The following OR56A3 variants were observed in gnomAD, a reference collection of about 807,000 sequenced individuals.
The protein encoded by OR56A3 is olfactory receptor family 56 subfamily A member 3, also known as olfactory receptor 56A3.
Under a neutral mutation model 17.5 loss-of-function variants are expected in OR56A3, and 23 were observed. The ratio of observed to expected loss-of-function variants is 1.32; its 90% confidence interval spans 0.95 to 1.87. The LOEUF (loss-of-function observed/expected upper bound fraction) is 1.87. Ranked by LOEUF, OR56A3 falls within the 40% of genes most tolerant of loss-of-function variation. The probability of loss-of-function intolerance (pLI) is 0.00; values close to 1 mark genes in which losing one functional copy is unlikely to be tolerated. For missense variants in OR56A3, 366 were observed against 380.1 expected, an observed-to-expected ratio of 0.96 and a Z score of 0.31; for synonymous variants, 175 against 150.6, an observed-to-expected ratio of 1.16 and a Z score of -1.19.
chr11:5,951,787 T>G (rs1226426146), downstream of OR56A3, among the ~76,000 whole-genome samples: 6 of 152,184 alleles, frequency 3.9e-5, no homozygotes, highest in African/African-American at 1.4e-4. Context: ...ATTATGGTGC[T>G]GGGGTTGTAG....
At chr11:6,015,793 A>G in the OR56A3 span, among the ~76,000 whole-genome samples, 1 of 152,226 alleles carries the variant, frequency 6.6e-6, no homozygotes, top group Non-Finnish European at 1.5e-5. Flanking sequence ...GTATGATGGA[A>G]GTAACTTGTT....
chr11:5,961,901 C>T, the OR56A3 span, among the ~76,000 whole-genome samples: 8 of 152,074 alleles, frequency 5.3e-5, no homozygotes, highest in South Asian at 1.7e-3. Flanking sequence ...TTTCTCTTGC[C>T]TAATTGCTCA....
At chr11:5,998,452 A>G in the OR56A3 span, among the ~76,000 whole-genome samples, 2 of 152,212 alleles carry the variant, frequency 1.3e-5, no homozygotes, top group African/African-American at 4.8e-5. Context: ...AAGCAAAAAA[A>G]GGGGAAATTA....
chr11:5,980,728 T>C, the OR56A3 span, among the ~76,000 whole-genome samples: 1 of 152,126 alleles, frequency 6.6e-6, no homozygotes, highest in Non-Finnish European at 1.5e-5. Context: ...GTGTTTTTAG[T>C]TGGCTGTTAT....
At chr11:6,011,516 C>T in the OR56A3 span, among the ~76,000 whole-genome samples, 10 of 152,044 alleles carry the variant, frequency 6.6e-5, no homozygotes, top group Non-Finnish European at 1.3e-4. Flanking sequence ...CATGTCCTGA[C>T]ATTATCCAGA....
At chr11:5,993,149 C>A in the OR56A3 span, among the ~76,000 whole-genome samples, 1 of 152,044 alleles carries the variant, frequency 6.6e-6, no homozygotes, top group African/African-American at 2.4e-5. Flanking sequence ...TTTCAAAGAC[C>A]TAAAAGGATT....
At chr11:5,969,453 A>G in the OR56A3 span, among the ~76,000 whole-genome samples, 1 of 152,230 alleles carries the variant, frequency 6.6e-6, no homozygotes, top group African/African-American at 2.4e-5. Flanking sequence ...ACTCATCAGC[A>G]TCTACATCCT....
chr11:5,985,933 T>C, the OR56A3 span: 1 of 1,593,526 alleles, frequency 6.3e-7, no homozygotes, highest in Non-Finnish European at 8.6e-7. Context: ...AATGAGAATA[T>C]GTTCAGATCA....
chr11:5,958,620 T>C, the OR56A3 span, among the ~76,000 whole-genome samples: 4 of 152,182 alleles, frequency 2.6e-5, no homozygotes, highest in Non-Finnish European at 5.9e-5. Context: ...ATAGTTATTT[T>C]TATGTTGACT....
At position 5,948,288 on chromosome 11, in the gene OR56A3, G is replaced by T. The variant is rs997865532; in HGVS notation, c.942G>T (p.Gly314=). ...KQGMQRLLKK[G]C ...GAATGCAGAGGTTGTTGAAGAAAGG[G>T]TGCTAACAAGGACCACTGGATCTCT... Residue 314 remains glycine (G), a synonymous_variant, in exon 3 of 3, where the codon GGG becomes GGT. Transcript: ENST00000641160. 17 of 1,608,602 alleles carry T rather than the reference G, an allele frequency of 1.1e-5. No individual in the cohort carries two copies. Among genetic ancestry groups the T allele is most frequent in the African/African-American group, 2.7e-5 (2 of 74,806 alleles).
At position 5,947,722 on chromosome 11, in the gene OR56A3, C is replaced by A; in HGVS notation, c.376C>A (p.Arg126Ser). 1.2e-6 allele frequency: 2 copies of A among 1,614,190 alleles called. No individual in the cohort carries two copies. The highest frequency in any genetic ancestry group is 1.7e-6 in the Non-Finnish European group (2 of 1,180,026). The change falls in exon 3 of 3, where the codon CGT becomes AGT. Residue 126 changes from arginine to serine, a missense_variant. Physicochemically the swap from Arg to Ser is moderately radical, Grantham distance 110 (BLOSUM62 -1). Coordinates refer to ENST00000641160, the MANE Select transcript of OR56A3 (RefSeq NM_001003443.3). ...SCTFMVMAYDRYVAICHPLRY... is the reference protein window; with the variant it reads ...SCTFMVMAYDSYVAICHPLRY... The stretch of plus-strand genomic sequence containing the variant: ...CACATTCATGGTCATGGCCTATGAT[C>A]GTTATGTAGCCATCTGCCACCCACT...
At chr11:5,988,328 C>CTTT in the OR56A3 span, among the ~76,000 whole-genome samples, 3 of 152,004 alleles carry the variant, frequency 2.0e-5, no homozygotes, top group East Asian at 5.8e-4. Context: ...TTTAAAGAAA[C>CTTT]ATATCTTATT....
the OR56A3 span, among the ~76,000 whole-genome samples, chr11:5,984,408 T>A: frequency 6.6e-6 from 1 of 152,380 alleles, no homozygotes; most frequent in East Asian, 1.9e-4. Context: ...CAAGTCATGG[T>A]TGGTGGCCCA....
At chr11:5,974,046 C>T in the OR56A3 span, among the ~76,000 whole-genome samples, 16 of 151,814 alleles carry the variant, frequency 1.1e-4, no homozygotes, top group Non-Finnish European at 2.2e-4. Context: ...CTATCTCCTA[C>T]GTGCTTCTTA....
rs1442591608 is a variant in OR56A3, at chr11:5,947,864, G to A, written c.518G>A (p.Cys173Tyr). The change falls in exon 3 of 3, where the codon TGT becomes TAT. Residue 173 changes from cysteine to tyrosine, a missense_variant. By Grantham distance (194) the Cys-to-Tyr change is radical. Transcript: ENST00000641160. ...ATCCTTTCAGCACAACTCCGTTATT[G>A]TGGAAGAAATGTCATTGAGAACTGC... ...IPILSAQLRY[C>Y]GRNVIENCIC... The A allele has an allele frequency of 2.5e-6, 4 of 1,614,038 alleles. No homozygotes were observed. Among genetic ancestry groups the A allele is most frequent in the Non-Finnish European group, 3.4e-6 (4 of 1,180,038 alleles).
chr11:5,966,322 C>G, the OR56A3 span, among the ~76,000 whole-genome samples: 7 of 151,800 alleles, frequency 4.6e-5, no homozygotes, highest in African/African-American at 9.7e-5. Flanking sequence ...TGCAGTGAGC[C>G]AAGATCATGG....
the OR56A3 span, among the ~76,000 whole-genome samples, chr11:6,010,289 G>T: frequency 1.3e-5 from 2 of 152,110 alleles, no homozygotes; most frequent in Non-Finnish European, 2.9e-5. Flanking sequence ...AGCTATTTCT[G>T]TTAGATCTCT....
At chr11:6,011,928 C>T in the OR56A3 span, among the ~76,000 whole-genome samples, 7 of 152,196 alleles carry the variant, frequency 4.6e-5, no homozygotes, top group African/African-American at 1.7e-4. Context: ...CAAGCAGCTT[C>T]CCCGGCTGGC....
At chr11:6,015,425 C>T in the OR56A3 span, among the ~76,000 whole-genome samples, 3 of 152,206 alleles carry the variant, frequency 2.0e-5, no homozygotes, top group Non-Finnish European at 2.9e-5. Flanking sequence ...GTTGGAGCCT[C>T]GCACAGTTCC....
Sources: gnomAD v4.1 joint callset for allele counts (sites outside exome capture counted in the v4.1 genomes callset) on GRCh38, gnomAD v4.1.1 for gene constraint, MANE v1.5 for transcripts, NCBI Gene and HGNC (gene_info 2026-07-23, HGNC 2026-07-21) for gene names.